The following ESRRB variants were observed in gnomAD, a reference collection of about 807,000 sequenced individuals.
ESRRB encodes the protein steroid hormone receptor ERR2.
ESRRB carries 16 observed loss-of-function variants against 46.0 expected under a neutral mutation model. The ratio of observed to expected loss-of-function variants is 0.35; its 90% CI spans 0.24 to 0.53. The LOEUF is 0.53. Ranked by LOEUF, ESRRB falls within the 20% of genes least tolerant of loss-of-function variation. The probability of loss-of-function intolerance (pLI) is 0.93; values close to 1 mark genes in which losing one functional copy is unlikely to be tolerated. For synonymous variants in ESRRB, 246 were observed against 259.6 expected (o/e 0.95, Z 0.50); for missense variants, 488 against 607.4 (o/e 0.80, Z 2.07).
At chr14:76,426,418 T>C (rs1170163152) in intron 1 of ESRRB, among the ~76,000 whole-genome samples, 5 of 152,232 alleles carry the variant, frequency 3.3e-5, no homozygotes. Flanking sequence ...TCCTGGTGTC[T>C]AGCAAGAAAA....
At chr14:76,345,928 C>G (rs1884244645) in intron 1 of ESRRB, among the ~76,000 whole-genome samples, 1 of 152,158 alleles carries the variant, frequency 6.6e-6, no homozygotes, top group African/African-American at 2.4e-5. Flanking sequence ...CACCAGGTAG[C>G]TTCAAACAAC....
At chr14:76,408,459 C>T (rs763243347) in intron 1 of ESRRB, among the ~76,000 whole-genome samples, 1 of 151,784 alleles carries the variant, frequency 6.6e-6, no homozygotes, top group Non-Finnish European at 1.5e-5. Flanking sequence ...CATGGGGGTG[C>T]ATGCCTGTGG....
intron 1 of ESRRB, among the ~76,000 whole-genome samples, chr14:76,315,711 G>C (rs988234353): frequency 7.9e-5 from 12 of 152,174 alleles, no homozygotes; most frequent in African/African-American, 2.9e-4. Flanking sequence ...CCACTAAGGG[G>C]ATATTTTTCC....
rs551327286 is a variant in ESRRB at position 76,325,502 on chromosome 14, A to T, written c.2+14586A>T. Reference sequence around the variant, plus strand: ...GGGAAACTTATATTGCTGAAGGACCACGTTTAGAGTCCTGGGCCAAGTTCT... The same window carrying T: ...GGGAAACTTATATTGCTGAAGGACCTCGTTTAGAGTCCTGGGCCAAGTTCT... On this transcript the variant is annotated intron_variant, in intron 1 of 6. Transcript: ENST00000512784. 5.3e-5 allele frequency among the ~76,000 whole-genome samples: 8 copies of T among 152,294 alleles called. No homozygotes were observed. In the South Asian group the frequency reaches 1.7e-3, roughly 32 times the overall value.
chr14:76,456,038 G>GCACACACACACACACACACACACA (rs60824171), intron 2 of ESRRB, among the ~76,000 whole-genome samples: 1 of 137,186 alleles, frequency 7.3e-6, no homozygotes, highest in African/African-American at 2.7e-5. Flanking sequence ...AGCGAAACTC[G>GCACACACACACACACACACACACA]CACACACACA....
At chr14:76,441,901 A>G (rs1352094991) in intron 2 of ESRRB, among the ~76,000 whole-genome samples, 1 of 152,188 alleles carries the variant, frequency 6.6e-6, no homozygotes, top group Non-Finnish European at 1.5e-5. Flanking sequence ...TACCTACCCC[A>G]TTCATTTCCC....
At chr14:76,475,354 G>A (rs958459433) in intron 3 of ESRRB, among the ~76,000 whole-genome samples, 3 of 149,672 alleles carry the variant, frequency 2.0e-5, no homozygotes, top group Non-Finnish European at 1.5e-5. Flanking sequence ...GGGCAACAGA[G>A]GAAGACCTTG....
intron 2 of ESRRB, among the ~76,000 whole-genome samples, chr14:76,453,444 CTG>C (rs1045577699): frequency 2.6e-5 from 4 of 151,970 alleles, no homozygotes; most frequent in African/African-American, 4.8e-5. Flanking sequence ...GAGGATGACT[CTG>C]TGAAAAAAAC....
chr14:76,356,725 T>C (rs1005605903), intron 1 of ESRRB, among the ~76,000 whole-genome samples: 3 of 152,184 alleles, frequency 2.0e-5, no homozygotes, highest in Non-Finnish European at 4.4e-5. Context: ...GGCAGGTCCC[T>C]TAGGAAATGG....
At chr14:76,348,345 C>A (rs1466254903) in intron 1 of ESRRB, among the ~76,000 whole-genome samples, 1 of 152,194 alleles carries the variant, frequency 6.6e-6, no homozygotes, top group African/African-American at 2.4e-5. Flanking sequence ...AGAGGCTGTA[C>A]TTACAGGACA....
intron 2 of ESRRB, among the ~76,000 whole-genome samples, chr14:76,459,917 G>A (rs1203379695): frequency 6.6e-6 from 1 of 152,044 alleles, no homozygotes; most frequent in Non-Finnish European, 1.5e-5. Flanking sequence ...GAGGGGGAGA[G>A]AGGGAGATGG....
chr14:76,478,485 G>T (rs1460641147), intron 3 of ESRRB, among the ~76,000 whole-genome samples: 1 of 152,026 alleles, frequency 6.6e-6, no homozygotes. Context: ...ACAGCTGCTT[G>T]CCGGGAAGCA....
chr14:76,401,693 T>A (rs935341), intron 1 of ESRRB, among the ~76,000 whole-genome samples: 70,969 of 152,016 alleles, frequency 0.47, 17,176 homozygotes, highest in African/African-American at 0.6. Context: ...CTAGGAGCAA[T>A]AGGCTTTACC....
upstream of ESRRB, among the ~76,000 whole-genome samples, chr14:76,371,954 G>T (rs1282853034): frequency 6.6e-6 from 1 of 152,132 alleles, no homozygotes; most frequent in Non-Finnish European, 1.5e-5. Flanking sequence ...CCTCATTTGT[G>T]CAAAAATGGC....
intron 3 of ESRRB, among the ~76,000 whole-genome samples, chr14:76,480,033 A>G (rs1043690127): frequency 6.6e-6 from 1 of 152,052 alleles, no homozygotes; most frequent in South Asian, 2.1e-4. Flanking sequence ...ACACCTGGCT[A>G]ATTTTTGTAT....
intron 1 of ESRRB, among the ~76,000 whole-genome samples, chr14:76,350,664 A>G (rs1310781784): frequency 6.6e-6 from 1 of 152,222 alleles, no homozygotes; most frequent in Non-Finnish European, 1.5e-5. Flanking sequence ...AAGCCCTCTG[A>G]TGAGCCAGGT....
chr14:76,353,509 CATT>C (rs1287880554), intron 1 of ESRRB, among the ~76,000 whole-genome samples: 1 of 152,196 alleles, frequency 6.6e-6, no homozygotes, highest in Non-Finnish European at 1.5e-5. Context: ...TCATCATCAT[CATT>C]TATGAACCGC....
rs1884112233 is a variant in ESRRB at position 76,335,221 on chromosome 14, T to C, written c.2+24305T>C. ...CCATTAGCCAATCTCCCAGGCTCTTTTCCGCCAACATTACTCATTGTCTGC... is the reference window on the plus strand; with the variant it reads ...CCATTAGCCAATCTCCCAGGCTCTTCTCCGCCAACATTACTCATTGTCTGC... On this transcript the variant is annotated intron_variant, in intron 1 of 6. Coordinates refer to the ESRRB transcript ENST00000512784. 2.0e-5 allele frequency among the ~76,000 whole-genome samples: 3 copies of C among 152,222 alleles called. No homozygotes were observed. In the South Asian group the frequency reaches 6.2e-4, roughly 32 times the overall value.
At chr14:76,455,647 G>C (rs1440672912) in intron 2 of ESRRB, among the ~76,000 whole-genome samples, 1 of 152,102 alleles carries the variant, frequency 6.6e-6, no homozygotes, top group East Asian at 1.9e-4. Flanking sequence ...GTATAGGAGA[G>C]GTAAAATCGG....
Sources: gnomAD v4.1 joint callset for allele counts (sites outside exome capture counted in the v4.1 genomes callset) on GRCh38, gnomAD v4.1.1 for gene constraint, MANE v1.5 for transcripts, NCBI Gene and HGNC (gene_info 2026-07-23, HGNC 2026-07-21) for gene names.